IL1RAPL1: variants seen among roughly 807,000 people sequenced by gnomAD.
The protein encoded by IL1RAPL1 is interleukin 1 receptor accessory protein like 1, also known as interleukin-1 receptor accessory protein-like 1.
IL1RAPL1 carries 3 observed loss-of-function variants against 48.4 expected under a neutral mutation model. The ratio of observed to expected loss-of-function variants is 0.06; its 90% CI spans 0.03 to 0.16. The LOEUF (loss-of-function observed/expected upper bound fraction) is 0.16. Among genes scored for constraint, IL1RAPL1 ranks in the 10% least tolerant of loss-of-function variants. IL1RAPL1 has a pLI of 1.00. For synonymous variants in IL1RAPL1, 185 were observed against 187.7 expected, an observed-to-expected ratio of 0.99 and a Z score of 0.12; for missense variants, 349 against 530.6, an observed-to-expected ratio of 0.66 and a Z score of 3.36.
At chrX:29,170,472 C>T (rs1199717420) in intron 2 of IL1RAPL1, among the ~76,000 whole-genome samples, 1 of 111,550 alleles carries the variant, frequency 9.0e-6, no homozygotes, top group South Asian at 3.7e-4. Context: ...GACTTGCAAC[C>T]TGTTTTTCTG....
chrX:28,681,893 T>C (rs1232151137), intron 1 of IL1RAPL1, among the ~76,000 whole-genome samples: 1 of 112,058 alleles, frequency 8.9e-6, no homozygotes, highest in Non-Finnish European at 1.9e-5. Context: ...CTCTGTTTAG[T>C]ACCAAGACAT....
chrX:29,856,702 C>A (rs1239096578), intron 6 of IL1RAPL1, among the ~76,000 whole-genome samples: 2 of 111,693 alleles, frequency 1.8e-5, no homozygotes, highest in Middle Eastern at 4.6e-3. Flanking sequence ...CTTTATATTT[C>A]TCGACTATAC....
At chrX:29,111,925 C>CTTTTTTTTTTTTT (rs34885583) in intron 2 of IL1RAPL1, among the ~76,000 whole-genome samples, 1 of 59,762 alleles carries the variant, frequency 1.7e-5, no homozygotes, top group Non-Finnish European at 3.2e-5. Flanking sequence ...TTTCACTTTT[C>CTTTTTTTTTTTTT]TTTTTTTTTT....
chrX:29,319,364 ATTTTT>A (rs762918998), intron 3 of IL1RAPL1, among the ~76,000 whole-genome samples: 1 of 58,137 alleles, frequency 1.7e-5, no homozygotes, highest in African/African-American at 7.3e-5. Flanking sequence ...GATAAATTTA[ATTTTT>A]TTTTTTTTTT....
At chrX:29,335,716 C>G (rs1201983199) in intron 3 of IL1RAPL1, among the ~76,000 whole-genome samples, 1 of 111,443 alleles carries the variant, frequency 9.0e-6, no homozygotes, top group African/African-American at 3.3e-5. Flanking sequence ...TCATTCTAAA[C>G]TGATAGACTT....
At chrX:28,662,382 T>C (rs1310119957) in intron 1 of IL1RAPL1, among the ~76,000 whole-genome samples, 3 of 111,373 alleles carry the variant, frequency 2.7e-5, no homozygotes, top group Non-Finnish European at 3.8e-5. Flanking sequence ...TGAGAAAACA[T>C]TCAGGAGGAT....
At chrX:29,658,820 G>A (rs1490750826) in intron 5 of IL1RAPL1, among the ~76,000 whole-genome samples, 3 of 111,746 alleles carry the variant, frequency 2.7e-5, no homozygotes, top group African/African-American at 9.8e-5. Context: ...TTATGTTGGT[G>A]GGAACATTAC....
At chrX:28,602,122 A>AAG (rs1934034772) in intron 1 of IL1RAPL1, among the ~76,000 whole-genome samples, 1 of 109,286 alleles carries the variant, frequency 9.2e-6, no homozygotes, top group African/African-American at 3.3e-5. Context: ...AAAAAAAAAA[A>AAG]GAAAGGTTCA....
intron 1 of IL1RAPL1, among the ~76,000 whole-genome samples, chrX:28,714,898 A>T (rs1296141288): frequency 8.9e-6 from 1 of 111,946 alleles, no homozygotes; most frequent in Non-Finnish European, 1.9e-5. Context: ...TCATATTAAA[A>T]TCATTCATGG....
At chrX:29,921,718 A>G (rs1335880595) in intron 8 of IL1RAPL1, among the ~76,000 whole-genome samples, 1 of 111,886 alleles carries the variant, frequency 8.9e-6, no homozygotes, top group Non-Finnish European at 1.9e-5. Context: ...TTCCCTTCTC[A>G]AGGAAGTCCA....
At chrX:29,763,527 A>G (rs1928804590) in intron 6 of IL1RAPL1, among the ~76,000 whole-genome samples, 1 of 111,564 alleles carries the variant, frequency 9.0e-6, no homozygotes, top group Non-Finnish European at 1.9e-5. Flanking sequence ...TTGCAACATT[A>G]AATGTTTGTT....
chrX:29,098,241 G>T lies in IL1RAPL1; in HGVS notation c.83-184697G>T, dbSNP rs766749859. Among the ~76,000 whole-genome samples the T allele has an allele frequency of 3.6e-5, 4 of 110,188 alleles. No individual in the cohort carries two copies. In the South Asian group the frequency reaches 1.6e-3, roughly 43 times the overall value. On this transcript the variant is annotated intron_variant, in intron 2 of 10. Coordinates refer to ENST00000378993, the MANE Select transcript of IL1RAPL1 (RefSeq NM_014271.4). Reference sequence around the variant, plus strand: ...TCTGCTCTATTCCTTTTGATGTCCTGTTAGTCATCCCCATTCCATGCCACT... The same window carrying T: ...TCTGCTCTATTCCTTTTGATGTCCTTTTAGTCATCCCCATTCCATGCCACT...
At chrX:28,863,367 A>G (rs1031719009) in intron 2 of IL1RAPL1, among the ~76,000 whole-genome samples, 2 of 109,812 alleles carry the variant, frequency 1.8e-5, no homozygotes, top group Admixed American at 1.9e-4. Flanking sequence ...TTGTGTTCCA[A>G]TAAACCTTGA....
At chrX:29,017,470 A>T (rs5985943) in intron 2 of IL1RAPL1, among the ~76,000 whole-genome samples, 5,489 of 111,797 alleles carry the variant, frequency 0.049, 314 homozygotes, top group African/African-American at 0.17. Context: ...CTGTAGCAAC[A>T]AGAGACTTTC....
intron 9 of IL1RAPL1, among the ~76,000 whole-genome samples, chrX:29,944,676 A>G (rs1373850213): frequency 9.0e-6 from 1 of 110,967 alleles, no homozygotes; most frequent in Non-Finnish European, 1.9e-5. Flanking sequence ...CTTCTCTTTT[A>G]CTCTTGTTTA....
chrX:29,569,859 CT>C (rs1922538823), intron 5 of IL1RAPL1, among the ~76,000 whole-genome samples: 1 of 111,763 alleles, frequency 8.9e-6, no homozygotes, highest in Non-Finnish European at 1.9e-5. Context: ...ATAACACTGC[CT>C]GGTTTTTTGT....
At chrX:28,885,987 T>G (rs1485771587) in intron 2 of IL1RAPL1, among the ~76,000 whole-genome samples, 2 of 111,177 alleles carry the variant, frequency 1.8e-5, no homozygotes, top group Non-Finnish European at 3.8e-5. Context: ...CAACATAGGC[T>G]CCATACAAAA....
At chrX:29,059,912 C>G (rs1160418003) in intron 2 of IL1RAPL1, among the ~76,000 whole-genome samples, 1 of 111,454 alleles carries the variant, frequency 9.0e-6, no homozygotes, top group Non-Finnish European at 1.9e-5. Flanking sequence ...ATGTTGTACC[C>G]TTGAGTATCA....
chrX:29,593,076 A>C (rs1489344582), intron 5 of IL1RAPL1, among the ~76,000 whole-genome samples: 1 of 111,945 alleles, frequency 8.9e-6, no homozygotes, highest in Non-Finnish European at 1.9e-5. Flanking sequence ...TCAGTTTTGC[A>C]TACCCGTTGG....
Sources: gnomAD v4.1 joint callset for allele counts (sites outside exome capture counted in the v4.1 genomes callset) on GRCh38, gnomAD v4.1.1 for gene constraint, MANE v1.5 for transcripts, NCBI Gene and HGNC (gene_info 2026-07-23, HGNC 2026-07-21) for gene names.